Variants in LSAMP observed in about 807,000 individuals in gnomAD.
The protein encoded by LSAMP is limbic system associated membrane protein.
Under a neutral mutation model 38.6 loss-of-function variants are expected in LSAMP, and 7 were observed. That is an observed-to-expected ratio of 0.18 (90% confidence interval 0.10 to 0.34). The LOEUF (loss-of-function observed/expected upper bound fraction) is 0.34, where lower values mean the gene tolerates loss of function less well. Among genes scored for constraint, LSAMP ranks in the 10% least tolerant of loss-of-function variants. The pLI is 1.00. For synonymous variants in LSAMP, 154 were observed against 166.8 expected (o/e 0.92, Z 0.59); for missense variants, 313 against 420.0 (o/e 0.75, Z 2.23).
At chr3:116,081,181 G>T (rs921888144) in intron 2 of LSAMP, among the ~76,000 whole-genome samples, 5 of 152,090 alleles carry the variant, frequency 3.3e-5, no homozygotes, top group Admixed American at 2.6e-4. Flanking sequence ...ATGTAAATTG[G>T]GGGCCGGCGA....
Position 116,272,837 on chromosome 3 carries a change from C to T in LSAMP, c.155+172040G>A, listed in dbSNP as rs539245579. 3.3e-5 allele frequency among the ~76,000 whole-genome samples: 5 copies of T among 152,166 alleles called. No individual in the cohort carries two copies. In the East Asian group the frequency reaches 9.7e-4, roughly 29 times the overall value. The stretch of plus-strand genomic sequence containing the variant: ...AAAATAAAAATGAAACTTTGGTTTG[C>T]TATTTGATTTAAATGTCTTGGCAAT... On this transcript the variant is annotated intron_variant, in intron 1 of 6. Coordinates refer to ENST00000490035, the MANE Select transcript of LSAMP (RefSeq NM_002338.5).
At chr3:115,990,515 C>G (rs1939637462) in intron 3 of LSAMP, among the ~76,000 whole-genome samples, 1 of 152,020 alleles carries the variant, frequency 6.6e-6, no homozygotes, top group South Asian at 2.1e-4. Context: ...CTCCAAAATG[C>G]TTATTTTCTT....
Position 115,957,340 on chromosome 3 carries a change from G to A in LSAMP, c.514+62175C>T, listed in dbSNP as rs117497203. 8.5e-5 allele frequency among the ~76,000 whole-genome samples: 13 copies of A among 152,186 alleles called. No individual in the cohort carries two copies. The East Asian group carries it at 1.5e-3, about 18-fold the overall frequency. ...TTGAAAAACAGAGCCTGTTTGTTTC[G>A]GAAACTCTTATAAGCACGTTGTGGC... On this transcript the variant is annotated intron_variant, in intron 3 of 6. Transcript: ENST00000490035.
chr3:115,834,261 T>A (rs1934710983), intron 6 of LSAMP, among the ~76,000 whole-genome samples: 2 of 152,120 alleles, frequency 1.3e-5, no homozygotes, highest in Non-Finnish European at 2.9e-5. Context: ...CCCAAATATG[T>A]GAGTTCCTAG....
rs188480842 is a variant in LSAMP at position 116,354,924 on chromosome 3, G to A, written c.155+89953C>T. Reference sequence around the variant, plus strand: ...TGAGGAAGAGGGAATTTAGAAGACTGAGATGAACACAACATGTATATCAAA... The same window carrying A: ...TGAGGAAGAGGGAATTTAGAAGACTAAGATGAACACAACATGTATATCAAA... On this transcript the variant is annotated intron_variant, in intron 1 of 6. Transcript: ENST00000490035. 1.8e-3 allele frequency among the ~76,000 whole-genome samples: 272 copies of A among 151,788 alleles called. 1 individual carries two copies. The highest frequency in any genetic ancestry group is 6.3e-3 in the African/African-American group (262 of 41,382).
intron 1 of LSAMP, among the ~76,000 whole-genome samples, chr3:116,197,261 G>GAC (rs1273544887): frequency 1.3e-5 from 2 of 152,106 alleles, no homozygotes; most frequent in Non-Finnish European, 2.9e-5. Flanking sequence ...TTAGGAGAGA[G>GAC]ACAAGAACTG....
chr3:116,020,204 C>T (rs1940599412), intron 2 of LSAMP, among the ~76,000 whole-genome samples: 1 of 152,088 alleles, frequency 6.6e-6, no homozygotes. Context: ...TAACAGGCTG[C>T]ATGAAGTATC....
intron 3 of LSAMP, among the ~76,000 whole-genome samples, chr3:116,007,847 T>C (rs1449162055): frequency 6.6e-6 from 1 of 152,320 alleles, no homozygotes; most frequent in East Asian, 1.9e-4. Context: ...CAGAATCACC[T>C]GAAGGGCATG....
intron 1 of LSAMP, among the ~76,000 whole-genome samples, chr3:116,353,492 G>A (rs781043872): frequency 6.6e-6 from 1 of 152,056 alleles, no homozygotes; most frequent in Non-Finnish European, 1.5e-5. Context: ...TGAAGACAGA[G>A]ATCCTGTCTT....
chr3:116,234,842 TATATTTC>T (rs1431928233), intron 1 of LSAMP, among the ~76,000 whole-genome samples: 3 of 152,140 alleles, frequency 2.0e-5, no homozygotes, highest in Non-Finnish European at 2.9e-5. Flanking sequence ...CTCCCAAAAT[TATATTTC>T]ATGGCACATG....
intron 3 of LSAMP, among the ~76,000 whole-genome samples, chr3:115,998,985 C>T (rs1939907426): frequency 6.6e-6 from 1 of 152,222 alleles, no homozygotes; most frequent in East Asian, 1.9e-4. Context: ...ATGAAAGACC[C>T]ATGGTATCAA....
intron 3 of LSAMP, among the ~76,000 whole-genome samples, chr3:115,896,867 TCTATGCC>T (rs1223515803): frequency 2.6e-5 from 4 of 152,094 alleles, no homozygotes; most frequent in African/African-American, 9.7e-5. Flanking sequence ...GTGCAGGATT[TCTATGCC>T]CTGAACATGG....
chr3:116,216,103 A>G lies in LSAMP; in HGVS notation c.156-129547T>C, dbSNP rs113876101. Among the ~76,000 whole-genome samples the G allele has an allele frequency of 5.6e-4, 85 of 152,196 alleles. 1 individual carries two copies. The highest frequency in any genetic ancestry group is 1.0e-4 in the Non-Finnish European group (7 of 68,028). ...CTATCCATAGTTTCCAGTGTGATTC[A>G]TGATTTCATGAATCACTTTATTCAT... On this transcript the variant is annotated intron_variant, in intron 1 of 6. Transcript: ENST00000490035.
At chr3:115,915,566 C>T (rs964920988) in intron 3 of LSAMP, among the ~76,000 whole-genome samples, 1 of 152,148 alleles carries the variant, frequency 6.6e-6, no homozygotes, top group East Asian at 1.9e-4. Context: ...GTACATAAAG[C>T]TCCTGAGTTC....
intron 3 of LSAMP, among the ~76,000 whole-genome samples, chr3:115,967,063 G>C (rs57956951): frequency 0.24 from 37,178 of 151,914 alleles, 5,210 homozygotes; most frequent in African/African-American, 0.4. Flanking sequence ...TGAATTTCTC[G>C]TCAGAAAATG....
At chr3:116,416,811 T>G (rs184643733) in intron 1 of LSAMP, among the ~76,000 whole-genome samples, 1 of 152,236 alleles carries the variant, frequency 6.6e-6, no homozygotes, top group Admixed American at 6.5e-5. Context: ...TTCTTCTTCT[T>G]TTTTTAAACC....
intron 1 of LSAMP, among the ~76,000 whole-genome samples, chr3:116,106,444 G>A (rs1708470100): frequency 6.6e-6 from 1 of 152,162 alleles, no homozygotes; most frequent in African/African-American, 2.4e-5. Context: ...TGTCTATACA[G>A]CAGCTCAAAT....
chr3:115,975,060 G>C (rs982261062), intron 3 of LSAMP, among the ~76,000 whole-genome samples: 1 of 152,140 alleles, frequency 6.6e-6, no homozygotes, highest in Non-Finnish European at 1.5e-5. Context: ...GTGTTCCTGA[G>C]CCAATAATGA....
At chr3:116,353,747 T>A (rs1440296889) in intron 1 of LSAMP, among the ~76,000 whole-genome samples, 1 of 152,128 alleles carries the variant, frequency 6.6e-6, no homozygotes, top group Non-Finnish European at 1.5e-5. Context: ...TATTTTAATA[T>A]AATGAAATGC....
Sources: gnomAD v4.1 joint callset for allele counts (sites outside exome capture counted in the v4.1 genomes callset) on GRCh38, gnomAD v4.1.1 for gene constraint, MANE v1.5 for transcripts, NCBI Gene and HGNC (gene_info 2026-07-23, HGNC 2026-07-21) for gene names.